The following RIN3 variants were observed in gnomAD, a reference collection of about 807,000 sequenced individuals.
RIN3 encodes Ras and Rab interactor 3.
In RIN3, 54 loss-of-function variants were observed where a neutral mutation model predicts 76.3. The ratio of observed to expected loss-of-function variants is 0.71; its 90% CI spans 0.57 to 0.89. The LOEUF (loss-of-function observed/expected upper bound fraction) is 0.89, where lower values mean the gene tolerates loss of function less well. Among genes scored for constraint, RIN3 ranks in the 40% least tolerant of loss-of-function variants. The pLI, the probability that RIN3 is intolerant of heterozygous loss-of-function variation, is 0.00. For missense variants in RIN3, 1,256 were observed against 1,322.1 expected (o/e 0.95, Z 0.78); for synonymous variants, 576 against 564.0 (o/e 1.02, Z -0.30).
intron 6 of RIN3, among the ~76,000 whole-genome samples, chr14:92,655,820 A>G (rs1255939286): frequency 6.6e-6 from 1 of 152,216 alleles, no homozygotes; most frequent in Non-Finnish European, 1.5e-5. Context: ...CGTCCCTGGG[A>G]GGACACAGCG....
intron 1 of RIN3, among the ~76,000 whole-genome samples, chr14:92,534,587 C>CAAA (rs5810601): frequency 2.2e-4 from 30 of 134,428 alleles, no homozygotes; most frequent in African/African-American, 7.5e-4. Context: ...GACTCCATCT[C>CAAA]AAAAAAAAAA....
intron 2 of RIN3, among the ~76,000 whole-genome samples, chr14:92,560,645 T>G (rs1438978403): frequency 6.6e-6 from 1 of 152,096 alleles, no homozygotes; most frequent in African/African-American, 2.4e-5. Flanking sequence ...TGGTGTGATC[T>G]TCAGCTGGCA....
At chr14:92,528,202 G>A (rs1333153130) in intron 1 of RIN3, among the ~76,000 whole-genome samples, 2 of 152,226 alleles carry the variant, frequency 1.3e-5, no homozygotes, top group African/African-American at 2.4e-5. Flanking sequence ...CAGGAGATGG[G>A]TGTGCCCCGT....
chr14:92,687,611 G>A (rs1888910915), intron 9 of RIN3: 1 of 411,784 alleles, frequency 2.4e-6, no homozygotes, highest in South Asian at 3.2e-5. Context: ...GAGGGAGGGA[G>A]GGAATGAATG....
intron 1 of RIN3, among the ~76,000 whole-genome samples, chr14:92,541,483 G>A (rs1897131792): frequency 6.6e-6 from 1 of 152,196 alleles, no homozygotes; most frequent in Admixed American, 6.5e-5. Flanking sequence ...AGTATGATGA[G>A]GAGGCTCAGA....
chr14:92,626,593 G>A lies in RIN3; in HGVS notation c.440+11114G>A, dbSNP rs147599903. Among the ~76,000 whole-genome samples, 673 of 152,278 alleles carry A rather than the reference G, an allele frequency of 4.4e-3. 4 individuals are homozygous for A. Among genetic ancestry groups the A allele is most frequent in the African/African-American group, 0.015 (631 of 41,532 alleles). ...TCCTTCTTACATGGTAGTCCCTTTAGGGAAGGATACTTAGGCTGACAAGGA... is the reference window on the plus strand; with the variant it reads ...TCCTTCTTACATGGTAGTCCCTTTAAGGAAGGATACTTAGGCTGACAAGGA... On this transcript the variant is annotated intron_variant, in intron 4 of 9. Transcript: ENST00000216487.
At chr14:92,524,540 GGC>G (rs1896679389) in intron 1 of RIN3, among the ~76,000 whole-genome samples, 1 of 152,192 alleles carries the variant, frequency 6.6e-6, no homozygotes, top group Non-Finnish European at 1.5e-5. Flanking sequence ...CCACTCCTGG[GGC>G]ATAAGAGGCC....
At chr14:92,676,328 G>T in intron 7 of RIN3, 147 bp from the exon 8 acceptor site, 1 of 939,508 alleles carries the variant, frequency 1.1e-6, no homozygotes, top group Non-Finnish European at 1.6e-6. Context: ...GGTCCTCTCT[G>T]TCCTGAGAGT....
At position 92,651,613 on chromosome 14, in the gene RIN3, A is replaced by T; in HGVS notation, c.564A>T (p.Gln188His). 6.2e-7 allele frequency: 1 copy of T among 1,609,866 alleles called. No individual in the cohort carries two copies. The highest frequency in any genetic ancestry group is 8.5e-7 in the Non-Finnish European group (1 of 1,177,640). Residue 188 changes from glutamine (Q) to histidine (H), a missense_variant, in exon 6 of 10, where the codon CAA (glutamine) becomes CAT (histidine). This residue lies in a region of RIN3 where 610 missense variants were observed against 626.4 expected (regional missense o/e 0.97). Coordinates refer to ENST00000216487, the MANE Select transcript of RIN3 (RefSeq NM_024832.5). The stretch of plus-strand genomic sequence containing the variant: ...GGGACTCCTCGCTGAATCCTCCACA[A>T]GAAAGAGGGAAGCCAGCAGAGCCCC... Reference protein sequence around the residue: ...GFWDSSLNPPQERGKPAEPPR... With the variant: ...GFWDSSLNPPHERGKPAEPPR...
At chr14:92,526,205 C>T (rs780901379) in intron 1 of RIN3, among the ~76,000 whole-genome samples, 1 of 152,184 alleles carries the variant, frequency 6.6e-6, no homozygotes, top group South Asian at 2.1e-4. Flanking sequence ...CCTGTAATCC[C>T]AGCACTTTGG....
Position 92,685,242 on chromosome 14 carries a change from C to G in RIN3, c.2631+92C>G. On this transcript the variant is annotated intron_variant, in intron 9 of 9. Coordinates refer to ENST00000216487, the MANE Select transcript of RIN3 (RefSeq NM_024832.5). This position sits in a 1 kb window ranked among gnomAD's most constrained non-coding sequence, Gnocchi z 4.7. ...GCTAAGGAGCCGTGACATCACCTGG[C>G]TGCTCCAGCCGCCCAGCCCTGCCTT... is the stretch of plus-strand genomic sequence containing the variant. 2 of 1,365,006 alleles carry G rather than the reference C, an allele frequency of 1.5e-6. No individual in the cohort carries two copies. The highest frequency in any genetic ancestry group is 2.9e-5 in the African/African-American group (2 of 69,096). The allele number at this position is 1,365,006 out of a possible 1,614,324, so 84.6% of individuals were successfully genotyped here.
chr14:92,607,557 C>T (rs763198590), intron 3 of RIN3, among the ~76,000 whole-genome samples: 1 of 152,126 alleles, frequency 6.6e-6, no homozygotes, highest in Non-Finnish European at 1.5e-5. Context: ...TGCAGTGAGC[C>T]GTGATGGCAC....
At chr14:92,529,920 C>T (rs147325779) in intron 1 of RIN3, among the ~76,000 whole-genome samples, 25 of 152,276 alleles carry the variant, frequency 1.6e-4, no homozygotes, top group East Asian at 5.8e-4. Flanking sequence ...ATATTTAATT[C>T]GGTGCCCTTC....
chr14:92,638,957 G>A (rs1886878497), intron 4 of RIN3, among the ~76,000 whole-genome samples: 1 of 152,232 alleles, frequency 6.6e-6, no homozygotes, highest in African/African-American at 2.4e-5. Flanking sequence ...GGGGCCATGG[G>A]GGCACCTGGG....
intron 5 of RIN3, among the ~76,000 whole-genome samples, chr14:92,646,016 A>G (rs534405895): frequency 6.4e-4 from 97 of 152,292 alleles, no homozygotes; most frequent in African/African-American, 2.1e-3. Flanking sequence ...AATACACTGA[A>G]AAACATGAGC....
At chr14:92,527,996 G>A (rs1896788383) in intron 1 of RIN3, among the ~76,000 whole-genome samples, 1 of 151,792 alleles carries the variant, frequency 6.6e-6, no homozygotes, top group South Asian at 2.1e-4. Context: ...CACGCGGGCA[G>A]GCTTGCATTT....
rs1054195265 is a variant in RIN3, at chr14:92,652,211, A to G, written c.1162A>G (p.Arg388Gly). 2.1e-5 allele frequency: 34 copies of G among 1,606,308 alleles called. No individual in the cohort carries two copies. Among genetic ancestry groups the G allele is most frequent in the Non-Finnish European group, 2.9e-5 (34 of 1,174,992 alleles). Residue 388 changes from arginine (R) to glycine (G), a missense_variant, in exon 6 of 10, where the codon AGA (arginine) becomes GGA (glycine). By Grantham distance (125) the Arg-to-Gly change is moderately radical. Around this residue, in one of 3 missense-constraint regions of RIN3, gnomAD observed 610 missense variants for 626.4 expected, o/e 0.97. Transcript: ENST00000216487. This position sits in a 1 kb window ranked among gnomAD's most constrained non-coding sequence, Gnocchi z 6.4. Reference protein sequence around the residue: ...AKKNLPTAPPRRRVSERVSLE... With the variant: ...AKKNLPTAPPGRRVSERVSLE... ...GAAGAACCTTCCCACTGCCCCTCCC[A>G]GACGCCGCGTTTCCGAGAGGGTGTC...
intron 1 of RIN3, among the ~76,000 whole-genome samples, chr14:92,528,253 C>T (rs1281839432): frequency 1.3e-5 from 2 of 151,976 alleles, no homozygotes; most frequent in Non-Finnish European, 2.9e-5. Flanking sequence ...CACCGCCTCC[C>T]TCCTAGGGAG....
At chr14:92,517,135 G>A (rs957140246) in intron 1 of RIN3, among the ~76,000 whole-genome samples, 3 of 152,204 alleles carry the variant, frequency 2.0e-5, no homozygotes, top group Non-Finnish European at 4.4e-5. Context: ...ATGGCAAGCT[G>A]TGTCATCTAG....
Sources: allele counts gnomAD v4.1 joint callset (sites outside exome capture counted in the v4.1 genomes callset), GRCh38; gene constraint gnomAD v4.1.1; regional missense constraint gnomAD v4.1.1; non-coding constraint Gnocchi (gnomAD v3.1); transcripts MANE v1.5; gene names NCBI Gene and HGNC (gene_info 2026-07-23, HGNC 2026-07-21).